The following MCTP1 variants were observed in gnomAD, a reference collection of about 807,000 sequenced individuals.
MCTP1 encodes the protein multiple C2 and transmembrane domain-containing protein 1.
In MCTP1, 69 loss-of-function variants were observed where a neutral mutation model predicts 120.6. The ratio of observed to expected loss-of-function variants is 0.57; its 90% CI spans 0.47 to 0.70. MCTP1 has a LOEUF of 0.70. MCTP1 is among the 30% of genes least tolerant of loss of function. The pLI, the probability that MCTP1 is intolerant of heterozygous loss-of-function variation, is 0.00. For missense variants in MCTP1, 1,203 were observed against 1,248.8 expected, an observed-to-expected ratio of 0.96 and a Z score of 0.55; for synonymous variants, 529 against 493.1, an observed-to-expected ratio of 1.07 and a Z score of -0.96.
At chr5:95,221,154 A>C (rs1369503563) in intron 1 of MCTP1, among the ~76,000 whole-genome samples, 6 of 152,254 alleles carry the variant, frequency 3.9e-5, no homozygotes, top group Non-Finnish European at 7.3e-5. Flanking sequence ...AAACAAACTA[A>C]CATGCCAATG....
intron 17 of MCTP1, among the ~76,000 whole-genome samples, chr5:94,866,241 G>A (rs1023486039): frequency 1.3e-5 from 2 of 151,820 alleles, no homozygotes; most frequent in East Asian, 3.9e-4. Flanking sequence ...ATTTATACTG[G>A]GAGCTTACTA....
chr5:94,980,387 A>T lies in MCTP1; in HGVS notation c.839-27026T>A, dbSNP rs1581679754. Among the ~76,000 whole-genome samples the T allele has an allele frequency of 2.0e-5, 3 of 152,184 alleles. No homozygotes were observed. In the South Asian group the frequency reaches 6.2e-4, roughly 31 times the overall value. ...TTTCATTAATACAAAAATTCTAGTT[A>T]CAAACCCAGTAACATATGACACATG... On this transcript the variant is annotated intron_variant, in intron 2 of 22. Coordinates refer to ENST00000515393, the MANE Select transcript of MCTP1 (RefSeq NM_024717.7).
chr5:94,837,372 C>T lies in MCTP1; in HGVS notation c.2436+30961G>A, dbSNP rs114394814. On this transcript the variant is annotated intron_variant, in intron 17 of 22. Transcript: ENST00000515393. ...CTCCAGCCTGGGCAATAGTGTGACA[C>T]CCTGTCTCAAACAAACAAAACAAAA... is the stretch of plus-strand genomic sequence containing the variant. 6.6e-3 allele frequency among the ~76,000 whole-genome samples: 999 copies of T among 152,182 alleles called. 14 individuals carry two copies. The highest frequency in any genetic ancestry group is 0.023 in the African/African-American group (953 of 41,500).
intron 1 of MCTP1, among the ~76,000 whole-genome samples, chr5:95,234,417 G>C (rs73142023): frequency 7.8e-4 from 119 of 152,256 alleles, no homozygotes; most frequent in African/African-American, 2.7e-3. Flanking sequence ...AGGAGTAGAA[G>C]AGTCAAGATT....
chr5:95,087,832 G>T (rs1755548974), intron 1 of MCTP1, among the ~76,000 whole-genome samples: 2 of 152,140 alleles, frequency 1.3e-5, no homozygotes. Flanking sequence ...TCATCAAGCT[G>T]CTTTCTGACA....
chr5:95,081,580 A>T, intron 1 of MCTP1: 1 of 1,489,428 alleles, frequency 6.7e-7, no homozygotes, highest in Non-Finnish European at 9.0e-7. Flanking sequence ...GAGGCTGTTC[A>T]CCTCCAAGTG....
chr5:94,845,247 A>C (rs1792064123), intron 17 of MCTP1, among the ~76,000 whole-genome samples: 1 of 152,218 alleles, frequency 6.6e-6, no homozygotes, highest in Admixed American at 6.5e-5. Flanking sequence ...GGGAGGCCTC[A>C]CAATCATGGT....
At chr5:94,951,884 A>G (rs1453486028) in intron 3 of MCTP1, among the ~76,000 whole-genome samples, 1 of 152,130 alleles carries the variant, frequency 6.6e-6, no homozygotes, top group East Asian at 1.9e-4. Flanking sequence ...CAAAAACGCT[A>G]TTTAAGGCCG....
intron 1 of MCTP1, among the ~76,000 whole-genome samples, chr5:95,051,933 C>G (rs1746031414): frequency 6.6e-6 from 1 of 152,098 alleles, no homozygotes; most frequent in African/African-American, 2.4e-5. Context: ...CCATCCAGTA[C>G]TATGCTTATT....
chr5:94,995,485 A>T (rs1368775105), intron 2 of MCTP1, among the ~76,000 whole-genome samples: 2 of 152,236 alleles, frequency 1.3e-5, no homozygotes, highest in Non-Finnish European at 2.9e-5. Context: ...AAAGAATCTG[A>T]TTGCTAATTT....
At chr5:94,789,153 T>C (rs1211158274) in intron 18 of MCTP1, 1 of 152,206 alleles carries the variant, frequency 6.6e-6, no homozygotes, top group African/African-American at 2.4e-5. Context: ...TAAGAGTACC[T>C]CTTTGCCTCA....
chr5:94,816,236 G>C (rs1297357261), intron 17 of MCTP1, among the ~76,000 whole-genome samples: 1 of 152,134 alleles, frequency 6.6e-6, no homozygotes, highest in African/African-American at 2.4e-5. Context: ...TACAACATTA[G>C]ATGTGTGTAT....
chr5:95,097,384 CA>C (rs1277024176), intron 1 of MCTP1, among the ~76,000 whole-genome samples: 3 of 152,116 alleles, frequency 2.0e-5, no homozygotes, highest in Non-Finnish European at 4.4e-5. Context: ...TGGCGAGAAC[CA>C]GGGGAAGATT....
intron 1 of MCTP1, among the ~76,000 whole-genome samples, chr5:95,179,306 T>C (rs1748352095): frequency 6.6e-6 from 1 of 152,166 alleles, no homozygotes; most frequent in Non-Finnish European, 1.5e-5. Flanking sequence ...GAGATCTAGA[T>C]ATCCAAATAC....
chr5:94,901,247 C>A (rs1348805611), intron 10 of MCTP1, among the ~76,000 whole-genome samples: 1 of 152,114 alleles, frequency 6.6e-6, no homozygotes, highest in African/African-American at 2.4e-5. Context: ...GGGAACTCCC[C>A]TTTATAAAAC....
intron 1 of MCTP1, among the ~76,000 whole-genome samples, chr5:95,273,907 A>G (rs1471102635): frequency 6.6e-6 from 1 of 152,202 alleles, no homozygotes; most frequent in Non-Finnish European, 1.5e-5. Context: ...CATTCAGCCA[A>G]TCCCCTGATC....
chr5:95,024,922 C>A (rs1325746865), intron 1 of MCTP1, among the ~76,000 whole-genome samples: 2 of 152,062 alleles, frequency 1.3e-5, no homozygotes, highest in African/African-American at 4.8e-5. Context: ...TTGAAGATGA[C>A]ACACAAGAAA....
intron 5 of MCTP1, among the ~76,000 whole-genome samples, chr5:94,937,550 G>A (rs1816490761): frequency 6.6e-6 from 1 of 151,982 alleles, no homozygotes; most frequent in South Asian, 2.1e-4. Flanking sequence ...TCAGCTCCCA[G>A]GCACTGTAAT....
intron 2 of MCTP1, chr5:94,980,756 G>A (rs1329599551): frequency 6.6e-6 from 1 of 151,966 alleles, no homozygotes; most frequent in Non-Finnish European, 1.5e-5. Context: ...GTTCTTCAAT[G>A]AGAGAAGTTT....
Sources: allele counts gnomAD v4.1 joint callset (sites outside exome capture counted in the v4.1 genomes callset), GRCh38; gene constraint gnomAD v4.1.1; transcripts MANE v1.5; gene names NCBI Gene and HGNC (gene_info 2026-07-23, HGNC 2026-07-21).